The following BRCC3 variants were observed in gnomAD, a reference collection of about 807,000 sequenced individuals.
BRCC3 encodes the protein lys-63-specific deubiquitinase BRCC36.
In BRCC3, 15 loss-of-function variants were observed where a neutral mutation model predicts 28.0. That is an observed-to-expected ratio of 0.54 (90% CI 0.36 to 0.82). The LOEUF is 0.82. Ranked by LOEUF, BRCC3 falls within the 40% of genes least tolerant of loss-of-function variation. The pLI is 0.01. For missense variants in BRCC3, 109 were observed against 225.9 expected (o/e 0.48, Z 3.32); for synonymous variants, 66 against 80.3 (o/e 0.82, Z 0.95).
intron 5 of BRCC3, among the ~76,000 whole-genome samples, chrX:155,083,262 C>G (rs1350473286): frequency 8.9e-6 from 1 of 112,566 alleles, no homozygotes; most frequent in Non-Finnish European, 1.9e-5. Flanking sequence ...TCCATGATAT[C>G]TCTGATCAGT....
rs1335399132 is a variant in BRCC3, at chrX:155,121,320, A to G, written c.*116A>G. 3.6e-5 allele frequency: 4 copies of G among 112,179 alleles called. No homozygotes were observed. Among genetic ancestry groups the G allele is most frequent in the African/African-American group, 1.3e-4 (4 of 30,868 alleles). The allele number at this position is 112,179 out of a possible 1,213,427, so 9.2% of individuals were successfully genotyped here. A position where few individuals can be genotyped will look rare whatever the true frequency, so the allele number is the denominator to read the frequency against. ...ATTTTACCTGACTTCAAGACTTACTATAAAGCTATAGTAATCAAGATAGAT... is the reference window on the plus strand; with the variant it reads ...ATTTTACCTGACTTCAAGACTTACTGTAAAGCTATAGTAATCAAGATAGAT... On this transcript the variant is annotated 3_prime_UTR_variant, in exon 11 of 11. Transcript: ENST00000330045.
chrX:155,118,059 T>A (rs1178516943), intron 9 of BRCC3, among the ~76,000 whole-genome samples: 1 of 112,311 alleles, frequency 8.9e-6, no homozygotes, highest in Non-Finnish European at 1.9e-5. Context: ...GTCATACCAG[T>A]TCCTTTCCTA....
chrX:155,113,706 C>T (rs1264022998), intron 7 of BRCC3, among the ~76,000 whole-genome samples: 1 of 111,029 alleles, frequency 9.0e-6, no homozygotes, highest in East Asian at 2.8e-4. Context: ...GAAAAGGCAA[C>T]CTATGGAATG....
chrX:155,111,443 C>T (rs181261001), intron 7 of BRCC3, among the ~76,000 whole-genome samples: 1 of 111,794 alleles, frequency 8.9e-6, no homozygotes, highest in Non-Finnish European at 1.9e-5. Context: ...ATTGTGAGTC[C>T]ATAAGTCAAC....
At chrX:155,109,743 C>G (rs1030224948) in intron 7 of BRCC3, among the ~76,000 whole-genome samples, 2 of 111,676 alleles carry the variant, frequency 1.8e-5, no homozygotes, top group Non-Finnish European at 1.9e-5. Flanking sequence ...TAATTTCACC[C>G]TTTCCAATCT....
intron 5 of BRCC3, among the ~76,000 whole-genome samples, chrX:155,084,395 C>T (rs935449867): frequency 8.1e-5 from 9 of 110,913 alleles, no homozygotes; most frequent in Non-Finnish European, 1.5e-4. Context: ...CAGAGTCTGG[C>T]TCTGTCGCCC....
At chrX:155,119,226 A>C in intron 9 of BRCC3, among the ~76,000 whole-genome samples, 1 of 112,399 alleles carries the variant, frequency 8.9e-6, no homozygotes. Flanking sequence ...GGAAGTGAAC[A>C]GTCTCACTGT....
At chrX:155,099,216 C>G in intron 7 of BRCC3, 13 of 694,192 alleles carry the variant, frequency 1.9e-5, no homozygotes, top group Non-Finnish European at 2.3e-5. Flanking sequence ...TAAAAGAAGT[C>G]TGGAGATGGA....
At chrX:155,100,962 C>T (rs2074243351) in intron 7 of BRCC3, among the ~76,000 whole-genome samples, 1 of 110,292 alleles carries the variant, frequency 9.1e-6, no homozygotes, top group Non-Finnish European at 1.9e-5. Context: ...GGTGTGATCA[C>T]GGCTCACAGC....
chrX:155,106,063 T>C (rs1315973697), intron 7 of BRCC3, among the ~76,000 whole-genome samples: 11 of 112,120 alleles, frequency 9.8e-5, no homozygotes, highest in African/African-American at 3.6e-4. Context: ...AGATAAAAAC[T>C]TTTTGATATT....
chrX:155,110,498 T>C (rs1557298020), intron 7 of BRCC3, among the ~76,000 whole-genome samples: 4 of 110,920 alleles, frequency 3.6e-5, no homozygotes, highest in African/African-American at 1.3e-4. Context: ...TATTATTCTT[T>C]TAAAGTTTGT....
intron 7 of BRCC3, among the ~76,000 whole-genome samples, chrX:155,106,078 T>C (rs1327906162): frequency 8.9e-6 from 1 of 112,288 alleles, no homozygotes; most frequent in African/African-American, 3.2e-5. Flanking sequence ...GATATTTCTA[T>C]TGAGATTGTG....
chrX:155,110,878 T>G (rs1186062267), intron 7 of BRCC3, among the ~76,000 whole-genome samples: 6 of 111,207 alleles, frequency 5.4e-5, no homozygotes, highest in Non-Finnish European at 1.1e-4. Flanking sequence ...ACAGGCAGAT[T>G]GGAGAAGGGC....
At chrX:155,116,876 C>CT in intron 9 of BRCC3, 122 bp downstream of exon 9, 1 of 487,974 alleles carries the variant, frequency 2.0e-6, no homozygotes, top group Non-Finnish European at 3.5e-6. Flanking sequence ...TTCAGGCTTC[C>CT]TTTCCCAAGG....
intron 5 of BRCC3, among the ~76,000 whole-genome samples, chrX:155,080,770 T>C (rs781903304): frequency 8.9e-6 from 1 of 112,178 alleles, no homozygotes; most frequent in African/African-American, 3.2e-5. Flanking sequence ...TATGCCTCTG[T>C]AGTTTCCTCT....
chrX:155,090,791 G>A lies in BRCC3; in HGVS notation c.500G>A (p.Arg167Gln). The A allele has an allele frequency of 8.4e-7, 1 of 1,193,447 alleles. No individual in the cohort carries two copies. Among genetic ancestry groups the A allele is most frequent in the Non-Finnish European group, 1.1e-6 (1 of 882,144 alleles). Residue 167 changes from arginine (R) to glutamine (Q), a missense_variant, in exon 7 of 11, where the codon CGG becomes CAG. This residue lies in a region of BRCC3 where 50 missense variants were observed against 115.2 expected (regional missense o/e 0.43). Transcript: ENST00000330045. ...TCTTTTTTCCTTTGATAGACTGGCC[G>A]GGTACTCTACACTTGCTTCCAATCC... Reference protein sequence around the residue: ...FIEDKNTKTGRVLYTCFQSIQ... With the variant: ...FIEDKNTKTGQVLYTCFQSIQ...
At chrX:155,111,794 C>T (rs1406924437) in intron 7 of BRCC3, among the ~76,000 whole-genome samples, 1 of 111,612 alleles carries the variant, frequency 9.0e-6, no homozygotes, top group African/African-American at 3.3e-5. Context: ...TGCATCACAG[C>T]ACATTATCAA....
At chrX:155,098,454 C>G (rs1032552533) in intron 7 of BRCC3, among the ~76,000 whole-genome samples, 4 of 112,409 alleles carry the variant, frequency 3.6e-5, no homozygotes, top group African/African-American at 1.3e-4. Flanking sequence ...TGTGTGGTAT[C>G]AGCCTTACGG....
In BRCC3 at chrX:155,073,499, C is replaced by G. The variant is rs868971766; in HGVS notation, c.195+68C>G. On this transcript the variant is annotated intron_variant, in intron 3 of 10. Transcript: ENST00000330045. ...GGAAAGATTTCTGTAATCCAGTGAT[C>G]TCAGCCAGAGTATGCGGTTTCTGGC... 22 of 1,099,543 alleles carry G rather than the reference C, an allele frequency of 2.0e-5. No homozygotes were observed. In the African/African-American group the frequency reaches 3.3e-4, roughly 17 times the overall value. 90.6% of individuals were successfully genotyped at this position (1,099,543 alleles called of 1,213,427 possible). A position where few individuals can be genotyped will look rare whatever the true frequency, so the allele number is the denominator to read the frequency against.
Sources: gnomAD v4.1 joint callset for allele counts (sites outside exome capture counted in the v4.1 genomes callset) on GRCh38, gnomAD v4.1.1 for gene constraint, gnomAD v4.1.1 regional missense constraint, MANE v1.5 for transcripts, NCBI Gene and HGNC (gene_info 2026-07-23, HGNC 2026-07-21) for gene names.